The following GOLGA4 variants were observed in gnomAD, a reference collection of about 807,000 sequenced individuals.
GOLGA4 encodes golgin A4, also known as golgin subfamily A member 4.
In GOLGA4, 169 loss-of-function variants were observed where a neutral mutation model predicts 265.9. The ratio of observed to expected loss-of-function variants is 0.64; its 90% confidence interval spans 0.56 to 0.72. The LOEUF is 0.72. Among genes scored for constraint, GOLGA4 ranks in the 30% least tolerant of loss-of-function variants. The pLI is 0.00. For synonymous variants in GOLGA4, 923 were observed against 855.8 expected (o/e 1.08, Z -1.37); for missense variants, 2,482 against 2,483.4 (o/e 1.00, Z 0.01).
intron 13 of GOLGA4, among the ~76,000 whole-genome samples, chr3:37,323,116 CT>C (rs567838649): frequency 0.037 from 4,192 of 114,078 alleles, 77 homozygotes; most frequent in Non-Finnish European, 0.055. Context: ...TTCCTTTTGT[CT>C]TTTTTTTTTT....
chr3:37,308,327 T>C (rs2096913132), intron 10 of GOLGA4, among the ~76,000 whole-genome samples: 1 of 151,704 alleles, frequency 6.6e-6, no homozygotes, highest in African/African-American at 2.4e-5. Context: ...GAATGAATCT[T>C]GTTATATATT....
rs772186725 is a variant in GOLGA4 at position 37,326,356 on chromosome 3, G to T, written c.4470G>T (p.Gln1490His). 6.2e-7 allele frequency: 1 copy of T among 1,612,528 alleles called. No individual in the cohort carries two copies. Among genetic ancestry groups the T allele is most frequent in the South Asian group, 1.1e-5 (1 of 90,604 alleles). The change falls in exon 14 of 24, where the codon CAG becomes CAT. Residue 1490 changes from glutamine to histidine, a missense_variant. By Grantham distance (24) the Gln-to-His change is conservative. Coordinates refer to ENST00000361924, the MANE Select transcript of GOLGA4 (RefSeq NM_002078.5). ...ATTTATTGAAGGAAGAGCTTGATCA[G>T]CAAAATAAAAGATTTGATTGTTTAA... ...QINLLKEELD[Q>H]QNKRFDCLKG... is the part of the protein sequence containing the mutation.
intron 6 of GOLGA4, among the ~76,000 whole-genome samples, chr3:37,295,845 A>C (rs2096876759): frequency 6.6e-6 from 1 of 152,202 alleles, no homozygotes; most frequent in African/African-American, 2.4e-5. Flanking sequence ...TACAACAACT[A>C]CTTGCATAGC....
At position 37,244,550 on chromosome 3, in the gene GOLGA4, C is replaced by G. The variant is rs531308769; in HGVS notation, c.72+928C>G. Among the ~76,000 whole-genome samples, 4 of 152,320 alleles carry G rather than the reference C, an allele frequency of 2.6e-5. No homozygotes were observed. The South Asian group carries it at 8.3e-4, about 32-fold the overall frequency. On this transcript the variant is annotated intron_variant, in intron 1 of 23. Coordinates refer to ENST00000361924, the MANE Select transcript of GOLGA4 (RefSeq NM_002078.5). Reference sequence around the variant, plus strand: ...ATTTCTTCCCAGCCTTTTTGAATTTCAACAGACTGAGCAGATCTGTCCCTT... The same window carrying G: ...ATTTCTTCCCAGCCTTTTTGAATTTGAACAGACTGAGCAGATCTGTCCCTT...
intron 2 of GOLGA4, chr3:37,266,990 A>G (rs758277795): frequency 2.3e-5 from 19 of 838,682 alleles, no homozygotes; most frequent in Non-Finnish European, 5.1e-6. Flanking sequence ...AAGCAAAGTA[A>G]TTTGGCAATT....
In GOLGA4 at chr3:37,324,375, A is replaced by G. The variant is rs765913527; in HGVS notation, c.2489A>G (p.Asp830Gly). ...QLAQLQQKLL[D>G]LETERILLTK... is the part of the protein sequence containing the mutation. ...GCCCAATTGCAGCAGAAGTTGTTGGATTTGGAAACAGAAAGAATTCTTCTT... is the reference window on the plus strand; with the variant it reads ...GCCCAATTGCAGCAGAAGTTGTTGGGTTTGGAAACAGAAAGAATTCTTCTT... The change falls in exon 14 of 24, where the codon GAT (aspartate) becomes GGT (glycine). Residue 830 changes from aspartate to glycine, a missense_variant. Physicochemically the swap from Asp to Gly is moderately conservative, Grantham distance 94. Transcript: ENST00000361924. The G allele has an allele frequency of 3.7e-6, 6 of 1,614,218 alleles. No individual in the cohort carries two copies. The highest frequency in any genetic ancestry group is 8.5e-7 in the Non-Finnish European group (1 of 1,180,028).
chr3:37,355,563 C>T (rs2097088796), intron 22 of GOLGA4, among the ~76,000 whole-genome samples: 2 of 152,052 alleles, frequency 1.3e-5, no homozygotes, highest in South Asian at 4.1e-4. Flanking sequence ...TATTACAGTT[C>T]TTTATTGCAT....
At chr3:37,273,854 C>G (rs2096805713) in intron 2 of GOLGA4, among the ~76,000 whole-genome samples, 1 of 152,180 alleles carries the variant, frequency 6.6e-6, no homozygotes, top group African/African-American at 2.4e-5. Context: ...GTAATCCCAG[C>G]ACTTTGGGAG....
chr3:37,299,065 A>T (rs751855300), intron 8 of GOLGA4, 45 bp downstream of exon 8: 3 of 1,453,162 alleles, frequency 2.1e-6, no homozygotes, highest in Non-Finnish European at 2.8e-6. Context: ...CTATAAAGTT[A>T]GATCCACAGG....
In GOLGA4 at chr3:37,296,186, G is replaced by T. The variant is rs1261150436; in HGVS notation, c.781G>T (p.Glu261Ter). The change falls in exon 7 of 24, where the codon GAA becomes TAA. Residue 261 changes from glutamate to a stop codon, truncating the protein, a stop_gained. Transcript: ENST00000361924. LOFTEE classifies it high-confidence loss of function. ...LEPQAEVFTK[E>*]ENPESDGEPV... Reference sequence around the variant, plus strand: ...ACCACAGGCTGAAGTCTTCACTAAAGAAGAGAATCCAGAAAGTGATGGAGA... The same window carrying T: ...ACCACAGGCTGAAGTCTTCACTAAATAAGAGAATCCAGAAAGTGATGGAGA... The T allele has an allele frequency of 6.2e-7, 1 of 1,614,110 alleles. No individual in the cohort carries two copies. The highest frequency in any genetic ancestry group is 8.5e-7 in the Non-Finnish European group (1 of 1,179,964).
At chr3:37,334,462 A>G in intron 16 of GOLGA4, among the ~76,000 whole-genome samples, 1 of 152,108 alleles carries the variant, frequency 6.6e-6, no homozygotes, top group Non-Finnish European at 1.5e-5. Flanking sequence ...GCCTTGTCAA[A>G]TTAGGACAAA....
At chr3:37,316,581 T>C (rs912722376) in intron 11 of GOLGA4, among the ~76,000 whole-genome samples, 1 of 152,328 alleles carries the variant, frequency 6.6e-6, no homozygotes, top group South Asian at 2.1e-4. Context: ...TTTTAAGTTT[T>C]AAAATAGTCA....
At chr3:37,279,178 AC>A (rs1455912059) in intron 2 of GOLGA4, among the ~76,000 whole-genome samples, 1 of 152,106 alleles carries the variant, frequency 6.6e-6, no homozygotes, top group Non-Finnish European at 1.5e-5. Context: ...CAGCCTGTGG[AC>A]CCTCTTATTA....
chr3:37,359,203 A>G (rs1279432245), intron 22 of GOLGA4, among the ~76,000 whole-genome samples: 2 of 152,106 alleles, frequency 1.3e-5, no homozygotes, highest in African/African-American at 2.4e-5. Context: ...AGTAGACTGG[A>G]TATTCGAGTA....
intron 2 of GOLGA4, among the ~76,000 whole-genome samples, chr3:37,252,442 T>C (rs1298491609): frequency 6.6e-6 from 1 of 152,180 alleles, no homozygotes. Flanking sequence ...TCAACATTAT[T>C]GTACTTTTTT....
chr3:37,296,696 G>A (rs149934469), intron 7 of GOLGA4, among the ~76,000 whole-genome samples: 1,934 of 151,988 alleles, frequency 0.013, 23 homozygotes, highest in African/African-American at 0.036. Flanking sequence ...TCAGCCTCCC[G>A]AGTAGCTGGG....
intron 12 of GOLGA4, among the ~76,000 whole-genome samples, chr3:37,321,249 T>C (rs2096954030): frequency 6.6e-6 from 1 of 152,194 alleles, no homozygotes; most frequent in African/African-American, 2.4e-5. Flanking sequence ...TAGCTTTGTT[T>C]TATAGATATT....
At chr3:37,359,327 T>G (rs1333447139) in intron 22 of GOLGA4, among the ~76,000 whole-genome samples, 1 of 152,218 alleles carries the variant, frequency 6.6e-6, no homozygotes, top group Non-Finnish European at 1.5e-5. Flanking sequence ...AATGAGAGTA[T>G]TATTACATTA....
At chr3:37,293,999 A>G (rs2096871650) in intron 5 of GOLGA4, among the ~76,000 whole-genome samples, 1 of 152,200 alleles carries the variant, frequency 6.6e-6, no homozygotes, top group Non-Finnish European at 1.5e-5. Context: ...CCCTGTAAAA[A>G]TACGTTATTA....
Sources: gnomAD v4.1 joint callset for allele counts (sites outside exome capture counted in the v4.1 genomes callset) on GRCh38, gnomAD v4.1.1 for gene constraint, MANE v1.5 for transcripts, NCBI Gene and HGNC (gene_info 2026-07-23, HGNC 2026-07-21) for gene names.